The following PDE11A variants were observed in gnomAD, a reference collection of about 807,000 sequenced individuals.
The protein encoded by PDE11A is dual 3',5'-cyclic-AMP and -GMP phosphodiesterase 11A.
In PDE11A, 100 loss-of-function variants were observed where a neutral mutation model predicts 100.5. That is an observed-to-expected ratio of 1.00 (90% CI 0.85 to 1.18). The LOEUF is 1.18. PDE11A is among the 50% of genes most tolerant of loss of function. PDE11A has a pLI of 0.00. For missense variants in PDE11A, 1,141 were observed against 1,152.6 expected, an observed-to-expected ratio of 0.99 and a Z score of 0.15; for synonymous variants, 381 against 420.8, an observed-to-expected ratio of 0.91 and a Z score of 1.16.
intron 9 of PDE11A, among the ~76,000 whole-genome samples, chr2:177,810,554 T>G (rs2082935466): frequency 6.6e-6 from 1 of 152,098 alleles, no homozygotes; most frequent in Non-Finnish European, 1.5e-5. Context: ...GAGGGGAGGT[T>G]AGAGCAGAGA....
chr2:177,743,551 C>T (rs1057496515), intron 10 of PDE11A, among the ~76,000 whole-genome samples: 10 of 152,184 alleles, frequency 6.6e-5, no homozygotes, highest in African/African-American at 2.4e-4. Flanking sequence ...GGAAAATCAA[C>T]CTCACTTGGT....
At chr2:177,743,204 T>A (rs2081899642) in intron 10 of PDE11A, among the ~76,000 whole-genome samples, 1 of 152,222 alleles carries the variant, frequency 6.6e-6, no homozygotes, top group African/African-American at 2.4e-5. Flanking sequence ...GAAACTCAAG[T>A]TTTAAATAAT....
At chr2:178,038,038 TA>T (rs71010852) in intron 1 of PDE11A, among the ~76,000 whole-genome samples, 42,663 of 149,976 alleles carry the variant, frequency 0.28, 6,171 homozygotes, top group Non-Finnish European at 0.32. Context: ...TAAAGTATAA[TA>T]AAAAAAAAAT....
chr2:177,993,245 T>A (rs571776577), intron 2 of PDE11A, among the ~76,000 whole-genome samples: 4 of 152,326 alleles, frequency 2.6e-5, no homozygotes, highest in African/African-American at 9.6e-5. Flanking sequence ...AGGCACAGAT[T>A]CAACTCTCAG....
At chr2:177,714,244 C>T (rs2081403165) in intron 12 of PDE11A, among the ~76,000 whole-genome samples, 1 of 152,148 alleles carries the variant, frequency 6.6e-6, no homozygotes. Flanking sequence ...CCACCTGCCT[C>T]AGCCTCCCAA....
chr2:178,105,459 A>AAAAAAC (rs202022030), intron 1 of PDE11A, among the ~76,000 whole-genome samples: 3,175 of 152,172 alleles, frequency 0.021, 78 homozygotes, highest in African/African-American at 0.062. Flanking sequence ...ACTCCCTCTC[A>AAAAAAC]AAAAACAAAA....
chr2:177,912,683 T>C lies in PDE11A; in HGVS notation c.1072-7496A>G, dbSNP rs137958309. On this transcript the variant is annotated intron_variant, in intron 2 of 19. Coordinates refer to ENST00000286063, the MANE Select transcript of PDE11A (RefSeq NM_016953.4). ...CTAAAATAATTTTTTTTTCTGATCATAGATTTCAAGAGAAAAAAAATACCC... is the reference window on the plus strand; with the variant it reads ...CTAAAATAATTTTTTTTTCTGATCACAGATTTCAAGAGAAAAAAAATACCC... Among the ~76,000 whole-genome samples, 517 of 152,202 alleles carry C rather than the reference T, an allele frequency of 3.4e-3. 1 individual carries two copies. The highest frequency in any genetic ancestry group is 5.8e-3 in the Non-Finnish European group (395 of 68,012).
At chr2:177,677,804 C>G (rs2080802184) in intron 16 of PDE11A, 1 of 152,084 alleles carries the variant, frequency 6.6e-6, no homozygotes, top group African/African-American at 2.4e-5. Flanking sequence ...AGTAAAAGAC[C>G]AGGGAGAGAG....
chr2:177,799,858 C>A (rs146107825), intron 9 of PDE11A, among the ~76,000 whole-genome samples: 69 of 152,172 alleles, frequency 4.5e-4, no homozygotes, highest in Admixed American at 6.6e-4. Context: ...TTGAAGTATT[C>A]GCTTTCATCT....
At chr2:177,913,536 C>T (rs983878179) in intron 2 of PDE11A, among the ~76,000 whole-genome samples, 3 of 152,022 alleles carry the variant, frequency 2.0e-5, no homozygotes, top group Admixed American at 6.5e-5. Context: ...CCACTCCCTT[C>T]TCAAGGTACA....
intron 4 of PDE11A, among the ~76,000 whole-genome samples, chr2:177,893,570 G>A (rs1397780984): frequency 6.6e-6 from 1 of 152,160 alleles, no homozygotes; most frequent in Non-Finnish European, 1.5e-5. Flanking sequence ...TGGACAGGGG[G>A]ACTTCCCTTA....
intron 4 of PDE11A, among the ~76,000 whole-genome samples, chr2:177,893,130 T>C (rs535939493): frequency 6.0e-4 from 92 of 152,284 alleles, no homozygotes; most frequent in African/African-American, 2.1e-3. Flanking sequence ...CTCTCCTCCC[T>C]TAGTCCAGGC....
chr2:177,915,607 T>C (rs1337318615), intron 2 of PDE11A, among the ~76,000 whole-genome samples: 2 of 152,254 alleles, frequency 1.3e-5, no homozygotes, highest in African/African-American at 4.8e-5. Context: ...TTGAAGAGCA[T>C]CTCAATTGCT....
rs10572990 is a variant in PDE11A, at chr2:177,769,885, CAAAA to C, written c.1738-516_1738-513del. Among the ~76,000 whole-genome samples the C allele has an allele frequency of 4.7e-3, 331 of 70,884 alleles. 1 individual carries two copies. The East Asian group carries it at 0.082, about 18-fold the overall frequency. 46.5% of individuals were successfully genotyped at this position (70,884 alleles called of 152,430 possible). ...CCTGGGCGACAGAGTAAGACCCTAT[CAAAA>C]AAAAAAAAAAAAAAAAAAAGGCATG... On this transcript the variant is annotated intron_variant, in intron 9 of 19. Coordinates refer to ENST00000286063, the MANE Select transcript of PDE11A (RefSeq NM_016953.4).
At position 177,686,324 on chromosome 2, in the gene PDE11A, T is replaced by G. The variant is rs2080948745; in HGVS notation, c.2346-5421A>C. On this transcript the variant is annotated intron_variant, in intron 15 of 19. Transcript: ENST00000286063. ...GGTCACGCCTGTAATCCCAGTGCTT[T>G]GGGGGGCCAAGGGAGGAGGATTGCT... 2.0e-5 allele frequency among the ~76,000 whole-genome samples: 3 copies of G among 152,278 alleles called. No individual in the cohort carries two copies. In the South Asian group the frequency reaches 6.2e-4, roughly 32 times the overall value.
At chr2:177,807,251 G>A (rs575515225) in intron 9 of PDE11A, among the ~76,000 whole-genome samples, 10 of 152,206 alleles carry the variant, frequency 6.6e-5, no homozygotes, top group African/African-American at 2.4e-4. Flanking sequence ...CCAAAAGACA[G>A]TGGTATCTTA....
intron 2 of PDE11A, among the ~76,000 whole-genome samples, chr2:177,977,427 G>C (rs2085823713): frequency 2.2e-5 from 3 of 136,070 alleles, no homozygotes; most frequent in Middle Eastern, 3.4e-3. Flanking sequence ...CACTGCTCAA[G>C]GAAATAAAAG....
Position 178,026,173 on chromosome 2 carries a change from C to T in PDE11A, c.913-11713G>A, listed in dbSNP as rs183094131. On this transcript the variant is annotated intron_variant, in intron 1 of 19. Coordinates refer to ENST00000286063, the MANE Select transcript of PDE11A (RefSeq NM_016953.4). Reference sequence around the variant, plus strand: ...CCCACTGAAGACAACTGAGACAACCCGAAAAGTGGCCCAAAAATGTAACTG... The same window carrying T: ...CCCACTGAAGACAACTGAGACAACCTGAAAAGTGGCCCAAAAATGTAACTG... Among the ~76,000 whole-genome samples, 57 of 152,208 alleles carry T rather than the reference C, an allele frequency of 3.7e-4. No homozygotes were observed. The South Asian group carries it at 8.1e-3, about 22-fold the overall frequency.
chr2:177,713,079 G>T (rs2081379894), intron 12 of PDE11A, among the ~76,000 whole-genome samples: 1 of 152,072 alleles, frequency 6.6e-6, no homozygotes, highest in African/African-American at 2.4e-5. Flanking sequence ...CACCATCTCG[G>T]CTTACTGCAA....
Sources: allele counts gnomAD v4.1 joint callset (sites outside exome capture counted in the v4.1 genomes callset), GRCh38; gene constraint gnomAD v4.1.1; transcripts MANE v1.5; gene names NCBI Gene and HGNC (gene_info 2026-07-23, HGNC 2026-07-21).